Variants in HEATR1 observed in about 807,000 individuals in gnomAD.
HEATR1 encodes HEAT repeat-containing protein 1.
HEATR1 carries 77 observed loss-of-function variants against 248.2 expected under a neutral mutation model. That is an observed-to-expected ratio of 0.31 (90% CI 0.26 to 0.37). The LOEUF is 0.37. Ranked by LOEUF, HEATR1 falls within the 10% of genes least tolerant of loss-of-function variation. HEATR1 has a pLI of 1.00. For missense variants in HEATR1, 2,420 were observed against 2,504.9 expected (o/e 0.97, Z 0.72); for synonymous variants, 897 against 923.1 (o/e 0.97, Z 0.51).
In HEATR1 at chr1:236,564,340, CG is replaced by C. The variant is rs530884952; in HGVS notation, c.4599+157del. Among the ~76,000 whole-genome samples the C allele has an allele frequency of 4.6e-3, 693 of 152,274 alleles. 5 individuals carry two copies. Among genetic ancestry groups the C allele is most frequent in the African/African-American group, 0.015 (642 of 41,550 alleles). On this transcript the variant is annotated intron_variant, in intron 32 of 44. Transcript: ENST00000366582. ...TTCCATCTCAGTAGATCATGACGAA[CG>C]GCTTTTCATGGTGAAACGTACTTTC...
At chr1:236,597,787 A>G in intron 5 of HEATR1, 91 bp downstream of exon 5, 1 of 772,572 alleles carries the variant, frequency 1.3e-6, no homozygotes, top group East Asian at 2.6e-5. Flanking sequence ...CCAAAGTATC[A>G]TTGTTATTAG....
intron 11 of HEATR1, 102 bp from the exon 12 acceptor site, chr1:236,591,056 T>C (rs1377929069): frequency 8.4e-6 from 4 of 474,106 alleles, no homozygotes; most frequent in Non-Finnish European, 1.4e-5. Flanking sequence ...CCCAACATTT[T>C]CAGTAACAAC....
chr1:236,564,587 T>C lies in HEATR1; in HGVS notation c.4510A>G (p.Thr1504Ala), dbSNP rs1377116635. ...EEMLQVFNVE[T>A]HTSKQLRHFK... ...TGCCGCAGTTGCTTGCTAGTGTGAG[T>C]CTCTACATTAAAAACCTGTAGCATT... is the stretch of plus-strand genomic sequence containing the variant. The change falls in exon 32 of 45, where the codon ACT (threonine) becomes GCT (alanine). Residue 1504 changes from threonine to alanine, a missense_variant. Transcript: ENST00000366582. 1 of 1,613,900 alleles carries C rather than the reference T, an allele frequency of 6.2e-7. No individual in the cohort carries two copies. Among genetic ancestry groups the C allele is most frequent in the Admixed American group, 1.7e-5 (1 of 60,018 alleles).
rs1662598731 is a variant in HEATR1 at position 236,549,236 on chromosome 1, G to A, written c.*1666C>T. On this transcript the variant is annotated 3_prime_UTR_variant, in exon 45 of 45. Coordinates refer to ENST00000366582, the MANE Select transcript of HEATR1 (RefSeq NM_018072.6). The stretch of plus-strand genomic sequence containing the variant: ...AGATCAAAGCACTCTTCCACTTTAC[G>A]TGATTAAAATCAAACCTGTATCAGC... The A allele has an allele frequency of 5.5e-6, 2 of 362,590 alleles. No homozygotes were observed. Among genetic ancestry groups the A allele is most frequent in the Non-Finnish European group, 9.8e-6 (2 of 204,824 alleles). 22.5% of individuals were successfully genotyped at this position (362,590 alleles called of 1,614,324 possible).
chr1:236,569,808 T>C (rs1245360369), intron 28 of HEATR1, among the ~76,000 whole-genome samples: 1 of 152,160 alleles, frequency 6.6e-6, no homozygotes, highest in Non-Finnish European at 1.5e-5. Flanking sequence ...TATGAAAACA[T>C]GTCCACACAA....
rs1266419649 is a variant in HEATR1 at position 236,574,801 on chromosome 1, T to C, written c.3187A>G (p.Thr1063Ala). ...GAAAATTCATTATACTTTCCCAGAGTGAGATGCAGAACCATGGCCTCATCT... is the reference window on the plus strand; with the variant it reads ...GAAAATTCATTATACTTTCCCAGAGCGAGATGCAGAACCATGGCCTCATCT... ...LKDEAMVLHL[T>A]LGKYNEFSVS... is the part of the protein sequence containing the mutation. Residue 1063 changes from threonine (T) to alanine (A), a missense_variant, in exon 23 of 45, where the codon ACT becomes GCT. Thr to Ala is a moderately conservative substitution (Grantham distance 58, BLOSUM62 0). Transcript: ENST00000366582. 2 of 1,613,888 alleles carry C rather than the reference T, an allele frequency of 1.2e-6. No individual in the cohort carries two copies. Among genetic ancestry groups the C allele is most frequent in the South Asian group, 2.2e-5 (2 of 91,066 alleles).
Position 236,559,802 on chromosome 1 carries a change from A to G in HEATR1, c.4682T>C (p.Val1561Ala). Residue 1561 changes from valine (V) to alanine (A), a missense_variant, in exon 34 of 45, where the codon GTT becomes GCT. Transcript: ENST00000366582. ...LETVLGYISA[V>A]AQSMERNADK... ...TGCGTTCCTTTCCATGGACTGTGCA[A>G]CTGCACTGATATAGCCGAGAACGGT... is the stretch of plus-strand genomic sequence containing the variant. 6.2e-7 allele frequency: 1 copy of G among 1,613,846 alleles called. No homozygotes were observed. The highest frequency in any genetic ancestry group is 8.5e-7 in the Non-Finnish European group (1 of 1,179,808).
At chr1:236,587,161 T>C (rs1663910765) in intron 14 of HEATR1, among the ~76,000 whole-genome samples, 2 of 152,106 alleles carry the variant, frequency 1.3e-5, no homozygotes, top group Non-Finnish European at 2.9e-5. Flanking sequence ...ATACATTATA[T>C]ACTTCCTTTT....
At chr1:236,597,829 G>C (rs1664216929) in intron 5 of HEATR1, 49 bp downstream of exon 5, 1 of 1,197,562 alleles carries the variant, frequency 8.4e-7, no homozygotes, top group Admixed American at 1.9e-5. Context: ...TTCATTCAAA[G>C]CAAGCAATCT....
intron 24 of HEATR1, 129 bp from the exon 25 acceptor site, chr1:236,572,957 A>C: frequency 1.2e-6 from 1 of 806,694 alleles, no homozygotes; most frequent in Non-Finnish European, 2.0e-6. Context: ...ATGCATCTGA[A>C]CCCCCCCCAG....
intron 3 of HEATR1, 32 bp downstream of exon 3, chr1:236,603,128 C>A: frequency 6.6e-7 from 1 of 1,525,102 alleles, no homozygotes; most frequent in Non-Finnish European, 9.1e-7. Context: ...AAGTGATTAA[C>A]CCATAGTTAT....
rs149306902 is a variant in HEATR1 at position 236,555,823 on chromosome 1, G to A, written c.5631C>T (p.Phe1877=). 1.9e-6 allele frequency: 3 copies of A among 1,614,138 alleles called. No homozygotes were observed. Among genetic ancestry groups the A allele is most frequent in the East Asian group, 2.2e-5 (1 of 44,886 alleles). Residue 1877 remains phenylalanine (F), a synonymous_variant, in exon 39 of 45, where the codon TTC becomes TTT. Transcript: ENST00000366582. ...LTAFFLEALD[F]RAQHSENDLE... ...AGCTTACCTCAGAGTGCTGGGCTCG[G>A]AAGTCCAGGGCTTCCAGGAAAAAGG...
intron 2 of HEATR1, 61 bp downstream of exon 2, chr1:236,603,893 A>T: frequency 1.9e-6 from 3 of 1,558,034 alleles, no homozygotes; most frequent in Non-Finnish European, 2.6e-6. Context: ...AAAAAAAAAA[A>T]ACAGTAACAT....
intron 34 of HEATR1, among the ~76,000 whole-genome samples, chr1:236,559,351 A>G (rs1433025323): frequency 1.3e-5 from 2 of 152,218 alleles, no homozygotes; most frequent in African/African-American, 4.8e-5. Context: ...GGAAGTGCCA[A>G]AGGCATGCAG....
intron 30 of HEATR1, 80 bp downstream of exon 30, chr1:236,566,566 C>CT: frequency 3.0e-6 from 3 of 1,010,142 alleles, no homozygotes; most frequent in Non-Finnish European, 4.5e-6. Flanking sequence ...CATCATCAGC[C>CT]CCATGTTTAA....
intron 43 of HEATR1, chr1:236,552,650 G>T (rs565404642): frequency 6.6e-6 from 1 of 152,316 alleles, no homozygotes; most frequent in South Asian, 2.1e-4. Flanking sequence ...AAAACGTCTA[G>T]GTGTTCCTCA....
At chr1:236,554,900 A>C in intron 41 of HEATR1, 148 bp from the exon 42 acceptor site, 1 of 684,196 alleles carries the variant, frequency 1.5e-6, no homozygotes, top group Non-Finnish European at 2.4e-6. Flanking sequence ...GCAGAACACA[A>C]TGGATGGTCT....
At chr1:236,592,452 T>TACA (rs1356642292) in intron 10 of HEATR1, 71 bp downstream of exon 10, 1 of 718,322 alleles carries the variant, frequency 1.4e-6, no homozygotes, top group Non-Finnish European at 2.5e-6. Context: ...TATTAAGATG[T>TACA]GACTTGTGAA....
chr1:236,600,209 C>A (rs1269422252), intron 3 of HEATR1, among the ~76,000 whole-genome samples: 1 of 138,394 alleles, frequency 7.2e-6, no homozygotes, highest in African/African-American at 2.6e-5. Context: ...CTCACTGCAA[C>A]CTCCACCTCC....
Sources: allele counts gnomAD v4.1 joint callset (sites outside exome capture counted in the v4.1 genomes callset), GRCh38; gene constraint gnomAD v4.1.1; transcripts MANE v1.5; gene names NCBI Gene and HGNC (gene_info 2026-07-23, HGNC 2026-07-21).